REXO5: variants seen among roughly 807,000 people sequenced by gnomAD.
The protein encoded by REXO5 is RNA exonuclease 5.
REXO5 carries 48 observed loss-of-function variants against 88.5 expected under a neutral mutation model. The observed-to-expected ratio is 0.54, with a 90% confidence interval of 0.43 to 0.69. The LOEUF (loss-of-function observed/expected upper bound fraction) is 0.69, where lower values mean the gene tolerates loss of function less well. Ranked by LOEUF, REXO5 falls within the 30% of genes least tolerant of loss-of-function variation. The probability of loss-of-function intolerance (pLI) is 0.00; values close to 1 mark genes in which losing one functional copy is unlikely to be tolerated. For missense variants in REXO5, 749 were observed against 912.2 expected, an observed-to-expected ratio of 0.82 and a Z score of 2.30; for synonymous variants, 311 against 336.5, an observed-to-expected ratio of 0.92 and a Z score of 0.83.
At position 20,806,645 on chromosome 16, in the gene REXO5, C is replaced by T. The variant is rs2080881725; in HGVS notation, c.-63C>T. The T allele has an allele frequency of 5.0e-6, 6 of 1,210,306 alleles. No homozygotes were observed. The highest frequency in any genetic ancestry group is 5.9e-5 in the Admixed American group (2 of 33,626). 75.0% of individuals were successfully genotyped at this position (1,210,306 alleles called of 1,614,324 possible). On this transcript the variant is annotated 5_prime_UTR_variant, in exon 1 of 20. Transcript: ENST00000261377. The stretch of plus-strand genomic sequence containing the variant: ...TTTAGGCGGCGAAGCCGCTCGGCAG[C>T]ACCTTCCTTCTTTGCCAGGCAGACG...
rs749989509 is a variant in REXO5 at position 20,840,441 on chromosome 16, A to C, written c.1599A>C (p.Ser533=). Residue 533 remains serine, a synonymous_variant, in exon 15 of 20, where the codon TCA becomes TCC. Transcript: ENST00000261377. ...TTAAAAGCTTTGGCCCAGTCCAGTC[A>C]ATGACTTTTGTTCTTGAAACCCGTC... is the stretch of plus-strand genomic sequence containing the variant. ...RLFKSFGPVQ[S]MTFVLETRQP... The C allele has an allele frequency of 1.3e-6, 2 of 1,561,456 alleles. No individual in the cohort carries two copies. The highest frequency in any genetic ancestry group is 1.2e-5 in the South Asian group (1 of 83,150).
chr16:20,845,193 C>A lies in REXO5; in HGVS notation c.2076C>A (p.Leu692=). Residue 692 remains leucine (L), a synonymous_variant, in exon 18 of 20, where the codon CTC becomes CTA. Transcript: ENST00000261377. ...LRGLPPESTR[L]PGLRVVPPPF... ...GCTTACCACCTGAATCAACAAGGCT[C>A]CCAGGGCTTCGTGTTGTACCTCCCC... 3.1e-6 allele frequency: 5 copies of A among 1,613,868 alleles called. No homozygotes were observed. Among genetic ancestry groups the A allele is most frequent in the Non-Finnish European group, 4.2e-6 (5 of 1,179,926 alleles).
At chr16:20,839,653 G>A in intron 13 of REXO5, 102 bp from the exon 14 acceptor site, 2 of 649,654 alleles carry the variant, frequency 3.1e-6, no homozygotes, top group South Asian at 3.7e-5. Flanking sequence ...CTTTCAGTAT[G>A]CGTAAAAAGA....
chr16:20,827,529 CA>C, intron 10 of REXO5, 82 bp downstream of exon 10: 1 of 1,005,008 alleles, frequency 1.0e-6, no homozygotes. Context: ...ATGCATATTG[CA>C]AAATTCAGGG....
chr16:20,806,746 C>A, intron 1 of REXO5, 41 bp downstream of exon 1: 1 of 1,003,784 alleles, frequency 1.0e-6, no homozygotes. Flanking sequence ...GTTAGAGCGG[C>A]GCGGGTGTCC....
intron 6 of REXO5, among the ~76,000 whole-genome samples, chr16:20,822,330 A>G (rs1243770478): frequency 6.6e-6 from 1 of 152,198 alleles, no homozygotes; most frequent in African/African-American, 2.4e-5. Context: ...AGCCTTGGTC[A>G]ATTATATAGC....
intron 11 of REXO5, among the ~76,000 whole-genome samples, chr16:20,830,857 G>A (rs2081330954): frequency 6.6e-6 from 1 of 152,034 alleles, no homozygotes; most frequent in Non-Finnish European, 1.5e-5. Context: ...GTGTGCACCT[G>A]AAGACCCAGG....
At position 20,844,037 on chromosome 16, in the gene REXO5, A is replaced by G; in HGVS notation, c.1719+11A>G. 6.6e-7 allele frequency: 1 copy of G among 1,525,320 alleles called. No homozygotes were observed. Among genetic ancestry groups the G allele is most frequent in the Non-Finnish European group, 9.1e-7 (1 of 1,099,000 alleles). The allele number at this position is 1,525,320 out of a possible 1,614,324, so 94.5% of individuals were successfully genotyped here. On this transcript the variant is annotated intron_variant, in intron 16 of 19. Transcript: ENST00000261377. The stretch of plus-strand genomic sequence containing the variant: ...GGTATCTGCATCAAGGTAGGGTGAC[A>G]AGAGAAAGCCCCCTTTGCTTGGGTC...
At chr16:20,834,193 G>A (rs1053300617) in intron 13 of REXO5, among the ~76,000 whole-genome samples, 7 of 152,176 alleles carry the variant, frequency 4.6e-5, no homozygotes, top group African/African-American at 1.7e-4. Context: ...GCATCCAGAG[G>A]CAGTTATTAC....
chr16:20,837,131 G>A (rs995602085), intron 13 of REXO5, among the ~76,000 whole-genome samples: 7 of 152,124 alleles, frequency 4.6e-5, no homozygotes, highest in Non-Finnish European at 1.0e-4. Context: ...TGAGGAGAGA[G>A]GGTAACTCTA....
intron 3 of REXO5, among the ~76,000 whole-genome samples, chr16:20,814,457 G>T (rs1168431315): frequency 6.6e-6 from 1 of 152,020 alleles, no homozygotes; most frequent in Non-Finnish European, 1.5e-5. Flanking sequence ...GCCCAGGTTG[G>T]TCTTGAACTC....
At chr16:20,818,491 CAG>C (rs2081115271) in intron 5 of REXO5, among the ~76,000 whole-genome samples, 1 of 152,128 alleles carries the variant, frequency 6.6e-6, no homozygotes. Context: ...CTTTTTGAAA[CAG>C]AGTCTCGCTC....
chr16:20,818,124 C>T (rs2081109126), intron 5 of REXO5, among the ~76,000 whole-genome samples: 1 of 152,190 alleles, frequency 6.6e-6, no homozygotes, highest in African/African-American at 2.4e-5. Flanking sequence ...GAGACCTTCT[C>T]AGCTCATCCT....
At chr16:20,811,296 A>G (rs1343461640) in intron 2 of REXO5, among the ~76,000 whole-genome samples, 2 of 152,226 alleles carry the variant, frequency 1.3e-5, no homozygotes, top group South Asian at 2.1e-4. Context: ...ACAAACTGGC[A>G]TATTCTTTCA....
upstream of REXO5, chr16:20,806,523 GGTT>G (rs1443141969): frequency 3.5e-5 from 54 of 1,535,156 alleles, no homozygotes; most frequent in Admixed American, 1.8e-4. Flanking sequence ...GCTGAGGGGC[GGTT>G]GTTGTTGGCA....
rs1250151838 is a variant in REXO5, at chr16:20,833,106, T to A, written c.1366T>A (p.Cys456Ser). 1.9e-6 allele frequency: 3 copies of A among 1,613,450 alleles called. No individual in the cohort carries two copies. Among genetic ancestry groups the A allele is most frequent in the Admixed American group, 3.3e-5 (2 of 59,992 alleles). ...TTCCAGAAATTGTCAAACTATTAAG[T>A]GTCTTTCAAATAAAGAGGTGAGTGG... is the stretch of plus-strand genomic sequence containing the variant. ...PSSRNCQTIKCLSNKEVLEQA... is the reference protein window; with the variant it reads ...PSSRNCQTIKSLSNKEVLEQA... Residue 456 changes from cysteine to serine, a missense_variant, in exon 13 of 20, where the codon TGT becomes AGT. Transcript: ENST00000261377.
At chr16:20,812,666 C>T (rs377155483) in intron 2 of REXO5, among the ~76,000 whole-genome samples, 1 of 152,184 alleles carries the variant, frequency 6.6e-6, no homozygotes, top group East Asian at 1.9e-4. Context: ...CTTCCCTCTC[C>T]TCATACCTCC....
intron 5 of REXO5, 105 bp from the exon 6 acceptor site, chr16:20,821,657 C>T: frequency 9.3e-7 from 1 of 1,073,642 alleles, no homozygotes; most frequent in Non-Finnish European, 1.3e-6. Context: ...GAGTTTTATA[C>T]ATCTTTTGAT....
chr16:20,847,566 A>G (rs1035412274), intron 19 of REXO5, among the ~76,000 whole-genome samples: 3 of 152,184 alleles, frequency 2.0e-5, no homozygotes, highest in Admixed American at 1.3e-4. Context: ...TCTGAGGACC[A>G]TTAGGGAGAT....
Sources: allele counts gnomAD v4.1 joint callset (sites outside exome capture counted in the v4.1 genomes callset), GRCh38; gene constraint gnomAD v4.1.1; transcripts MANE v1.5; gene names NCBI Gene and HGNC (gene_info 2026-07-23, HGNC 2026-07-21).